Variants in RPS6KA5 observed in about 807,000 individuals in gnomAD.
The protein encoded by RPS6KA5 is ribosomal protein S6 kinase alpha-5.
A neutral mutation model predicts 85.5 loss-of-function variants in RPS6KA5; 27 were observed. That is an observed-to-expected ratio of 0.32 (90% CI 0.23 to 0.44). The LOEUF (loss-of-function observed/expected upper bound fraction) is 0.44, where lower values mean the gene tolerates loss of function less well. Among genes scored for constraint, RPS6KA5 ranks in the 20% least tolerant of loss-of-function variants. The probability of loss-of-function intolerance (pLI) is 1.00; values close to 1 mark genes in which losing one functional copy is unlikely to be tolerated. For missense variants in RPS6KA5, 811 were observed against 980.9 expected (o/e 0.83, Z 2.31); for synonymous variants, 334 against 348.2 (o/e 0.96, Z 0.46).
chr14:90,927,203 A>G (rs1381880415), intron 5 of RPS6KA5, among the ~76,000 whole-genome samples: 1 of 152,160 alleles, frequency 6.6e-6, no homozygotes, highest in East Asian at 1.9e-4. Context: ...AAATCAGGGT[A>G]ATAACTACTA....
intron 7 of RPS6KA5, among the ~76,000 whole-genome samples, chr14:90,914,797 C>T (rs1262824795): frequency 6.6e-6 from 1 of 152,240 alleles, no homozygotes; most frequent in African/African-American, 2.4e-5. Context: ...GGCCATGTCA[C>T]CCTGTCCTCT....
chr14:90,999,632 C>A (rs73326583), intron 2 of RPS6KA5, among the ~76,000 whole-genome samples: 20,463 of 152,188 alleles, frequency 0.13, 1,662 homozygotes, highest in East Asian at 0.31. Flanking sequence ...AGGGAGAGAA[C>A]TGAGTAGGAA....
rs370974013 is a variant in RPS6KA5, at chr14:90,853,669, C to CAAAAAAAAAAA, written c.*18394_*18404dup. On this transcript the variant is annotated 3_prime_UTR_variant, in exon 17 of 17. Transcript: ENST00000614987. The stretch of plus-strand genomic sequence containing the variant: ...TGAAACCCCATCTCTACTAAAAATA[C>CAAAAAAAAAAA]AAAAAAAAAAAAAAAAACCCTAAAA... The CAAAAAAAAAAA allele has an allele frequency of 7.8e-5, 10 of 128,398 alleles. No homozygotes were observed. The highest frequency in any genetic ancestry group is 1.5e-4 in the Non-Finnish European group (9 of 61,632). 8.0% of individuals were successfully genotyped at this position (128,398 alleles called of 1,614,324 possible). A position where few individuals can be genotyped will look rare whatever the true frequency, so the allele number is the denominator to read the frequency against.
chr14:90,929,390 A>T (rs1030415925), intron 5 of RPS6KA5, among the ~76,000 whole-genome samples: 1 of 152,082 alleles, frequency 6.6e-6, no homozygotes, highest in African/African-American at 2.4e-5. Flanking sequence ...ACAAAAATCC[A>T]AGTCAATCTA....
intron 3 of RPS6KA5, among the ~76,000 whole-genome samples, chr14:90,948,703 A>AAACAAAAAAACCCCAAAAAACACAAC (rs1566780013): frequency 1.3e-5 from 2 of 151,700 alleles, no homozygotes; most frequent in East Asian, 3.8e-4. Context: ...TCAAAAAAAA[A>AAACAAAAAAACCCCAAAAAACACAAC]AACAAAAAAA....
chr14:91,030,910 A>C (rs917979861), intron 1 of RPS6KA5, among the ~76,000 whole-genome samples: 3 of 152,114 alleles, frequency 2.0e-5, no homozygotes, highest in African/African-American at 2.4e-5. Flanking sequence ...AAAAATTTAA[A>C]AACACAGAAT....
At chr14:90,951,345 A>G (rs552728992) in intron 3 of RPS6KA5, among the ~76,000 whole-genome samples, 2 of 150,848 alleles carry the variant, frequency 1.3e-5, no homozygotes, top group South Asian at 4.2e-4. Context: ...AATTAGCCAG[A>G]CATGGTGGCA....
At chr14:90,906,819 C>A (rs1390309208) in intron 7 of RPS6KA5, among the ~76,000 whole-genome samples, 1 of 151,976 alleles carries the variant, frequency 6.6e-6, no homozygotes, top group Non-Finnish European at 1.5e-5. Context: ...TGGGGTCAGA[C>A]CCACTTGGAG....
At chr14:91,037,873 G>A (rs1041592747) in intron 1 of RPS6KA5, among the ~76,000 whole-genome samples, 2 of 152,124 alleles carry the variant, frequency 1.3e-5, no homozygotes, top group Admixed American at 6.5e-5. Context: ...CTCCCTAAAT[G>A]TTCCTTCTGT....
At chr14:91,003,410 A>C (rs1399094118) in intron 1 of RPS6KA5, among the ~76,000 whole-genome samples, 3 of 152,232 alleles carry the variant, frequency 2.0e-5, no homozygotes, top group Non-Finnish European at 4.4e-5. Flanking sequence ...GTACCCAGGA[A>C]ACCCTAGTCA....
In RPS6KA5 at chr14:90,899,401, C is replaced by A. The variant is rs751150206; in HGVS notation, c.1401G>T (p.Lys467Asn). 1.3e-5 allele frequency: 21 copies of A among 1,613,232 alleles called. No homozygotes were observed. In the African/African-American group the frequency reaches 2.3e-4, roughly 17 times the overall value. Residue 467 changes from lysine to asparagine, a missense_variant, in exon 12 of 17, where the codon AAG (lysine) becomes AAT (asparagine). Coordinates refer to ENST00000614987, the MANE Select transcript of RPS6KA5 (RefSeq NM_004755.4). ...CACAGAGTTTCAGAGCTGTTATTTCCTTTTGAGTATTGGCTTCCATCCTGC... is the reference window on the plus strand; with the variant it reads ...CACAGAGTTTCAGAGCTGTTATTTCATTTTGAGTATTGGCTTCCATCCTGC... ...ISKRMEANTQ[K>N]EITALKLCEG...
At chr14:90,877,474 C>G (rs568343899) in intron 14 of RPS6KA5, among the ~76,000 whole-genome samples, 1 of 152,294 alleles carries the variant, frequency 6.6e-6, no homozygotes, top group South Asian at 2.1e-4. Context: ...AACCTCACTT[C>G]TTCCCTCCTG....
chr14:91,006,517 C>T (rs918403731), intron 1 of RPS6KA5, among the ~76,000 whole-genome samples: 1 of 152,190 alleles, frequency 6.6e-6, no homozygotes, highest in African/African-American at 2.4e-5. Flanking sequence ...TCCTCTCTCT[C>T]TGCTTTCCCT....
In RPS6KA5 at chr14:90,870,851, T is replaced by G. The variant is rs777307650; in HGVS notation, c.*1223A>C. On this transcript the variant is annotated 3_prime_UTR_variant, in exon 17 of 17. Transcript: ENST00000614987. ...TTGCATAGGGAACGAATTAATTGTA[T>G]TTTTAAATGCAGCAATCTTTTAATG... 1.2e-4 allele frequency: 18 copies of G among 151,500 alleles called. No homozygotes were observed. Among genetic ancestry groups the G allele is most frequent in the Non-Finnish European group, 2.4e-4 (16 of 67,778 alleles). The allele number at this position is 151,500 out of a possible 1,614,324, so 9.4% of individuals were successfully genotyped here.
At chr14:90,894,824 T>C (rs2034749768) in intron 12 of RPS6KA5, among the ~76,000 whole-genome samples, 1 of 152,230 alleles carries the variant, frequency 6.6e-6, no homozygotes, top group Admixed American at 6.5e-5. Flanking sequence ...TATATCCTTT[T>C]TCCCTTCTGT....
chr14:90,970,214 A>C (rs2039255384), intron 3 of RPS6KA5, among the ~76,000 whole-genome samples: 1 of 152,244 alleles, frequency 6.6e-6, no homozygotes, highest in African/African-American at 2.4e-5. Flanking sequence ...CTGACTAAGA[A>C]CATCTTATCA....
chr14:90,999,046 G>A (rs1249851556), intron 2 of RPS6KA5, among the ~76,000 whole-genome samples: 2 of 152,002 alleles, frequency 1.3e-5, no homozygotes, highest in African/African-American at 2.4e-5. Flanking sequence ...TAGTCAAAAC[G>A]GTGAAACCCG....
chr14:90,990,975 G>A (rs1005351683), intron 2 of RPS6KA5, among the ~76,000 whole-genome samples: 5 of 152,094 alleles, frequency 3.3e-5, no homozygotes, highest in Middle Eastern at 3.4e-3. Flanking sequence ...AAACACCAGC[G>A]ACAGGCAATT....
intron 1 of RPS6KA5, among the ~76,000 whole-genome samples, chr14:91,056,491 C>G (rs1016398556): frequency 3.9e-5 from 6 of 152,270 alleles, no homozygotes; most frequent in African/African-American, 1.4e-4. Context: ...ACAGCATGAT[C>G]TTTCCCATGT....
Sources: allele counts gnomAD v4.1 joint callset (sites outside exome capture counted in the v4.1 genomes callset), GRCh38; gene constraint gnomAD v4.1.1; transcripts MANE v1.5; gene names NCBI Gene and HGNC (gene_info 2026-07-23, HGNC 2026-07-21).